Variants in ARB2A observed in about 807,000 individuals in gnomAD.
ARB2A encodes cotranscriptional regulator ARB2A.
the ARB2A span, among the ~76,000 whole-genome samples, chr5:93,854,569 T>G: frequency 3.3e-5 from 5 of 152,360 alleles, no homozygotes; most frequent in East Asian, 7.7e-4. Flanking sequence ...TTTGGATCTT[T>G]CCTGCTTTCT....
At chr5:93,984,740 T>A in the ARB2A span, among the ~76,000 whole-genome samples, 3 of 152,200 alleles carry the variant, frequency 2.0e-5, no homozygotes, top group East Asian at 5.8e-4. Flanking sequence ...ATAAGAATTA[T>A]ATCCTACTTC....
chr5:94,043,134 TG>T, the ARB2A span, among the ~76,000 whole-genome samples: 4 of 152,060 alleles, frequency 2.6e-5, no homozygotes, highest in African/African-American at 9.7e-5. Context: ...CTTTGAAAAT[TG>T]AGACATCAGA....
At chr5:93,767,169 C>T in the ARB2A span, among the ~76,000 whole-genome samples, 1 of 152,016 alleles carries the variant, frequency 6.6e-6, no homozygotes, top group African/African-American at 2.4e-5. Context: ...TGCACATGTA[C>T]CTTAAAACTT....
At chr5:93,627,443 G>T in the ARB2A span, among the ~76,000 whole-genome samples, 29,913 of 130,186 alleles carry the variant, frequency 0.23, 4,515 homozygotes, top group African/African-American at 0.45. Context: ...AATGTGTTTT[G>T]TTTTTTTTTT....
chr5:94,006,376 G>A, the ARB2A span, among the ~76,000 whole-genome samples: 1 of 152,168 alleles, frequency 6.6e-6, no homozygotes, highest in Admixed American at 6.5e-5. Context: ...GTTTAGGGGA[G>A]GGTTGGGACA....
chr5:94,109,971 G>A, the ARB2A span, among the ~76,000 whole-genome samples: 3 of 135,306 alleles, frequency 2.2e-5, no homozygotes, highest in South Asian at 2.6e-4. Flanking sequence ...TGCAACCTCC[G>A]CCTTCCCGGT....
At chr5:93,639,758 A>G in the ARB2A span, among the ~76,000 whole-genome samples, 1 of 152,164 alleles carries the variant, frequency 6.6e-6, no homozygotes, top group African/African-American at 2.4e-5. Flanking sequence ...CTAAGAACTG[A>G]TTTATGGGCT....
At chr5:93,855,339 A>C in the ARB2A span, among the ~76,000 whole-genome samples, 1 of 151,718 alleles carries the variant, frequency 6.6e-6, no homozygotes, top group African/African-American at 2.4e-5. Context: ...TTTTATTTTG[A>C]GCCTATGTGT....
the ARB2A span, among the ~76,000 whole-genome samples, chr5:93,864,900 C>CA: frequency 6.6e-6 from 1 of 152,138 alleles, no homozygotes; most frequent in African/African-American, 2.4e-5. Context: ...ATACTGTGAG[C>CA]TCCTGGTAAA....
the ARB2A span, among the ~76,000 whole-genome samples, chr5:94,028,593 T>A: frequency 6.8e-4 from 103 of 152,300 alleles, no homozygotes; most frequent in African/African-American, 2.3e-3. Context: ...CCTTCAAGCT[T>A]CCTAAAACTT....
At chr5:93,853,690 G>A in the ARB2A span, among the ~76,000 whole-genome samples, 1 of 152,126 alleles carries the variant, frequency 6.6e-6, no homozygotes, top group Admixed American at 6.6e-5. Context: ...GTTGTCAAAG[G>A]CCTTTTCTGC....
At chr5:93,950,602 C>T in the ARB2A span, among the ~76,000 whole-genome samples, 4 of 150,384 alleles carry the variant, frequency 2.7e-5, no homozygotes, top group Non-Finnish European at 5.9e-5. Context: ...GAGCTTGTGC[C>T]ACTGCACTGC....
At chr5:93,830,311 G>GTGTATATATGTATA in the ARB2A span, among the ~76,000 whole-genome samples, 1 of 82,260 alleles carries the variant, frequency 1.2e-5, no homozygotes, top group African/African-American at 5.2e-5. Flanking sequence ...GTGTGTGTGT[G>GTGTATATATGTATA]TATATATATA....
the ARB2A span, among the ~76,000 whole-genome samples, chr5:93,941,067 T>C: frequency 6.6e-6 from 1 of 152,172 alleles, no homozygotes; most frequent in African/African-American, 2.4e-5. Flanking sequence ...TCAAGAATTG[T>C]CAACTAATTA....
chr5:93,840,337 T>C, the ARB2A span, among the ~76,000 whole-genome samples: 7 of 152,200 alleles, frequency 4.6e-5, no homozygotes, highest in East Asian at 5.8e-4. Context: ...AAGACATCTG[T>C]AGTGAATATA....
chr5:93,813,785 A>AT, the ARB2A span, among the ~76,000 whole-genome samples: 2 of 152,146 alleles, frequency 1.3e-5, no homozygotes, highest in Non-Finnish European at 2.9e-5. Context: ...ACTCTATAAT[A>AT]TTTTTGTTAT....
the ARB2A span, among the ~76,000 whole-genome samples, chr5:93,884,810 C>A: frequency 6.6e-6 from 1 of 151,474 alleles, no homozygotes; most frequent in Non-Finnish European, 1.5e-5. Context: ...GCAATATTCA[C>A]AGAGATCATT....
chr5:93,831,574 T>A, the ARB2A span, among the ~76,000 whole-genome samples: 1 of 152,090 alleles, frequency 6.6e-6, no homozygotes, highest in African/African-American at 2.4e-5. Flanking sequence ...AATCCACATA[T>A]GTGAGATGAT....
chr5:93,896,620 A>G, the ARB2A span, among the ~76,000 whole-genome samples: 29 of 152,128 alleles, frequency 1.9e-4, no homozygotes, highest in Non-Finnish European at 1.9e-4. Flanking sequence ...ATGAATGCTA[A>G]GTCTAATAGG....
Sources: gnomAD v4.1 joint callset for allele counts (sites outside exome capture counted in the v4.1 genomes callset) on GRCh38, gnomAD v4.1.1 for gene constraint, MANE v1.5 for transcripts, NCBI Gene and HGNC (gene_info 2026-07-23, HGNC 2026-07-21) for gene names.